The following HPSE2 variants were observed in gnomAD, a reference collection of about 807,000 sequenced individuals.
The protein encoded by HPSE2 is heparanase 2 (inactive).
HPSE2 carries 38 observed loss-of-function variants against 60.5 expected under a neutral mutation model. That is an observed-to-expected ratio of 0.63 (90% CI 0.48 to 0.82). The LOEUF (loss-of-function observed/expected upper bound fraction) is 0.82. HPSE2 is among the 40% of genes least tolerant of loss of function. HPSE2 has a pLI of 0.00. For missense variants in HPSE2, 713 were observed against 740.4 expected, an observed-to-expected ratio of 0.96 and a Z score of 0.43; for synonymous variants, 295 against 293.2, an observed-to-expected ratio of 1.01 and a Z score of -0.06.
intron 3 of HPSE2, among the ~76,000 whole-genome samples, chr10:98,955,993 G>A (rs1955501685): frequency 2.0e-5 from 3 of 151,992 alleles, no homozygotes; most frequent in African/African-American, 7.2e-5. Flanking sequence ...ATAAACAGTT[G>A]ATGAATGTGG....
chr10:98,986,670 CA>C (rs1291900465), intron 3 of HPSE2, among the ~76,000 whole-genome samples: 1 of 113,768 alleles, frequency 8.8e-6, no homozygotes, highest in Non-Finnish European at 2.2e-5. Flanking sequence ...AATAGAGACA[CA>C]AAAAACCCTT....
At chr10:98,478,088 C>T (rs1177307191) in intron 11 of HPSE2, among the ~76,000 whole-genome samples, 1 of 152,202 alleles carries the variant, frequency 6.6e-6, no homozygotes, top group Non-Finnish European at 1.5e-5. Context: ...AGGACAGTGG[C>T]TATTGCTTTG....
At chr10:99,113,968 T>C (rs1415804305) in intron 3 of HPSE2, among the ~76,000 whole-genome samples, 1 of 152,202 alleles carries the variant, frequency 6.6e-6, no homozygotes, top group African/African-American at 2.4e-5. Flanking sequence ...ACATTATTAG[T>C]ACTATATTTA....
intron 2 of HPSE2, among the ~76,000 whole-genome samples, chr10:99,148,326 A>T (rs1195928534): frequency 1.3e-5 from 2 of 152,214 alleles, no homozygotes; most frequent in Non-Finnish European, 2.9e-5. Context: ...AAGGCATTGC[A>T]CTAAGCATAC....
At chr10:98,826,726 T>G (rs1951556840) in intron 3 of HPSE2, among the ~76,000 whole-genome samples, 1 of 152,202 alleles carries the variant, frequency 6.6e-6, no homozygotes, top group Admixed American at 6.5e-5. Flanking sequence ...GTAGACATTG[T>G]GCTAGCCACA....
At chr10:99,093,421 C>T (rs1843587538) in intron 3 of HPSE2, among the ~76,000 whole-genome samples, 1 of 151,892 alleles carries the variant, frequency 6.6e-6, no homozygotes, top group African/African-American at 2.4e-5. Context: ...CGCAGCAAAA[C>T]ATCATAAAGA....
intron 2 of HPSE2, among the ~76,000 whole-genome samples, chr10:99,195,587 C>A (rs1047126233): frequency 6.6e-6 from 1 of 151,576 alleles, no homozygotes; most frequent in Non-Finnish European, 1.5e-5. Context: ...AAAAAGAAAT[C>A]AAGAAAGTAA....
chr10:99,231,165 T>C (rs1349558052), intron 2 of HPSE2, among the ~76,000 whole-genome samples: 1 of 152,152 alleles, frequency 6.6e-6, no homozygotes, highest in Non-Finnish European at 1.5e-5. Context: ...AAAAAAATGT[T>C]CCTCTGCCAC....
At chr10:99,024,947 A>G (rs1957342932) in intron 3 of HPSE2, among the ~76,000 whole-genome samples, 1 of 152,198 alleles carries the variant, frequency 6.6e-6, no homozygotes, top group African/African-American at 2.4e-5. Context: ...AGAAAAGGAC[A>G]TTAATGAGCA....
At chr10:98,650,427 C>T (rs1161860463) in intron 6 of HPSE2, among the ~76,000 whole-genome samples, 2 of 152,310 alleles carry the variant, frequency 1.3e-5, no homozygotes, top group African/African-American at 4.8e-5. Context: ...CACCTTTATA[C>T]CAATCAATCT....
chr10:99,228,615 C>T (rs930159521), intron 2 of HPSE2, among the ~76,000 whole-genome samples: 3 of 152,088 alleles, frequency 2.0e-5, no homozygotes, highest in African/African-American at 4.8e-5. Flanking sequence ...CAGTAAGATT[C>T]CTTGGGTATA....
At chr10:99,005,223 T>C (rs1007526798) in intron 3 of HPSE2, among the ~76,000 whole-genome samples, 1 of 150,930 alleles carries the variant, frequency 6.6e-6, no homozygotes. Flanking sequence ...AGTTTTCTGT[T>C]ACTATTTCTT....
intron 7 of HPSE2, among the ~76,000 whole-genome samples, chr10:98,641,568 C>T (rs1946637389): frequency 6.6e-6 from 1 of 151,290 alleles, no homozygotes; most frequent in Admixed American, 6.6e-5. Context: ...GCCTGGGCAA[C>T]AAAGCAAGCC....
chr10:98,659,465 TG>T (rs1947166553), intron 6 of HPSE2, among the ~76,000 whole-genome samples: 1 of 152,376 alleles, frequency 6.6e-6, no homozygotes, highest in Admixed American at 6.5e-5. Context: ...TTAATGTTTT[TG>T]AAGTTCGTTC....
chr10:98,616,068 G>T (rs1209299169), intron 8 of HPSE2, among the ~76,000 whole-genome samples: 2 of 152,120 alleles, frequency 1.3e-5, no homozygotes, highest in African/African-American at 4.8e-5. Context: ...CTTCTGCTTA[G>T]AATTCCCTTC....
rs966671175 is a variant in HPSE2 at position 99,044,689 on chromosome 10, AAC to A, written c.610+99547_610+99548del. On this transcript the variant is annotated intron_variant, in intron 3 of 11. Transcript: ENST00000370552. ...TTACCATGCAAACAGAAAACAAACA[AAC>A]AAAAAAAATAGCAGGAATTGTTATT... Among the ~76,000 whole-genome samples, 4 of 62,398 alleles carry A rather than the reference AAC, an allele frequency of 6.4e-5. No homozygotes were observed. In the Admixed American group the frequency reaches 6.5e-4, roughly 10 times the overall value. 40.9% of individuals were successfully genotyped at this position (62,398 alleles called of 152,430 possible).
At chr10:99,125,293 G>A (rs1395796870) in intron 3 of HPSE2, among the ~76,000 whole-genome samples, 2 of 152,184 alleles carry the variant, frequency 1.3e-5, no homozygotes, top group South Asian at 2.1e-4. Context: ...CCTGGAGAGT[G>A]AATCATGCAG....
chr10:98,560,369 T>A (rs2133872062), intron 9 of HPSE2, among the ~76,000 whole-genome samples: 1 of 152,294 alleles, frequency 6.6e-6, no homozygotes, highest in African/African-American at 2.4e-5. Flanking sequence ...TCAACCAGAT[T>A]TCATCGTGAC....
chr10:98,510,303 G>A (rs1375440418), intron 9 of HPSE2, among the ~76,000 whole-genome samples: 1 of 152,108 alleles, frequency 6.6e-6, no homozygotes, highest in African/African-American at 2.4e-5. Flanking sequence ...TTTCCATGGG[G>A]CAAGTCCACA....
Sources: allele counts gnomAD v4.1 joint callset (sites outside exome capture counted in the v4.1 genomes callset), GRCh38; gene constraint gnomAD v4.1.1; transcripts MANE v1.5; gene names NCBI Gene and HGNC (gene_info 2026-07-23, HGNC 2026-07-21).